The following EYA1 variants were observed in gnomAD, a reference collection of about 807,000 sequenced individuals.
EYA1 encodes EYA transcriptional coactivator and phosphatase 1.
A neutral mutation model predicts 82.0 loss-of-function variants in EYA1; 16 were observed. The observed-to-expected ratio is 0.20, with a 90% CI of 0.13 to 0.30. EYA1 has a LOEUF of 0.30. Among genes scored for constraint, EYA1 ranks in the 10% least tolerant of loss-of-function variants. The probability of loss-of-function intolerance (pLI) is 1.00; values close to 1 mark genes in which losing one functional copy is unlikely to be tolerated. For synonymous variants in EYA1, 261 were observed against 264.4 expected, an observed-to-expected ratio of 0.99 and a Z score of 0.12; for missense variants, 633 against 730.7, an observed-to-expected ratio of 0.87 and a Z score of 1.54.
At chr8:71,340,226 C>T (rs943470490) in intron 3 of EYA1, among the ~76,000 whole-genome samples, 2 of 152,204 alleles carry the variant, frequency 1.3e-5, no homozygotes, top group African/African-American at 4.8e-5. Flanking sequence ...AAGGTCCCCC[C>T]ATACTCTGAC....
chr8:71,444,126 A>G (rs1253183582), intron 2 of EYA1, among the ~76,000 whole-genome samples: 1 of 152,228 alleles, frequency 6.6e-6, no homozygotes, highest in African/African-American at 2.4e-5. Context: ...TTACCCACCT[A>G]TGCACAGATA....
At chr8:71,404,519 G>A (rs1018732549) in intron 2 of EYA1, 3 of 152,200 alleles carry the variant, frequency 2.0e-5, no homozygotes, top group African/African-American at 7.2e-5. Context: ...GTTTCCAAGT[G>A]TGGGTTGCAG....
chr8:71,260,503 C>T (rs1048850411), intron 11 of EYA1, among the ~76,000 whole-genome samples: 6 of 152,162 alleles, frequency 3.9e-5, no homozygotes, highest in African/African-American at 9.6e-5. Context: ...TACACAAACT[C>T]CTAGCAATTG....
At chr8:71,456,377 G>A (rs1328594908) in intron 2 of EYA1, among the ~76,000 whole-genome samples, 1 of 152,154 alleles carries the variant, frequency 6.6e-6, no homozygotes, top group African/African-American at 2.4e-5. Flanking sequence ...AGCTACCAAT[G>A]ACTTTCTTCA....
At chr8:71,255,641 G>A (rs769814196) in intron 11 of EYA1, among the ~76,000 whole-genome samples, 8 of 151,974 alleles carry the variant, frequency 5.3e-5, no homozygotes, top group Middle Eastern at 3.2e-3. Flanking sequence ...ATATAAAATG[G>A]TATAGGAAAA....
At chr8:71,298,304 G>A (rs913014139) in intron 9 of EYA1, among the ~76,000 whole-genome samples, 3 of 152,158 alleles carry the variant, frequency 2.0e-5, no homozygotes, top group African/African-American at 7.2e-5. Context: ...AGCTTATTTT[G>A]TAATCCATGA....
intron 3 of EYA1, among the ~76,000 whole-genome samples, chr8:71,340,003 T>C (rs1192349329): frequency 6.6e-6 from 1 of 152,222 alleles, no homozygotes; most frequent in East Asian, 1.9e-4. Flanking sequence ...AAGTGTCTTC[T>C]TTCTAATTTC....
At chr8:71,456,843 G>A (rs941694456) in intron 2 of EYA1, among the ~76,000 whole-genome samples, 2 of 152,274 alleles carry the variant, frequency 1.3e-5, no homozygotes, top group South Asian at 2.1e-4. Flanking sequence ...TCAGGACTTA[G>A]GCATGGGCAA....
intron 2 of EYA1, among the ~76,000 whole-genome samples, chr8:71,527,610 G>C (rs1813916125): frequency 6.6e-6 from 1 of 152,184 alleles, no homozygotes; most frequent in Non-Finnish European, 1.5e-5. Context: ...AACTCTCACA[G>C]ATAGTAAAAT....
intron 9 of EYA1, among the ~76,000 whole-genome samples, chr8:71,288,048 A>G (rs1202793880): frequency 6.6e-6 from 1 of 151,828 alleles, no homozygotes; most frequent in Non-Finnish European, 1.5e-5. Context: ...CCTAGCCACC[A>G]CTCCAGTTTT....
At chr8:71,541,822 T>C (rs1171344395) in intron 1 of EYA1, among the ~76,000 whole-genome samples, 1 of 152,216 alleles carries the variant, frequency 6.6e-6, no homozygotes, top group Non-Finnish European at 1.5e-5. Flanking sequence ...TTCTGCTGCA[T>C]GCACTGAATT....
At chr8:71,348,274 T>A (rs1240981154) in intron 3 of EYA1, among the ~76,000 whole-genome samples, 4 of 152,284 alleles carry the variant, frequency 2.6e-5, no homozygotes, top group Non-Finnish European at 2.9e-5. Flanking sequence ...TTGGATATCA[T>A]AAGAAATCAG....
chr8:71,485,986 C>A (rs1028057884), intron 2 of EYA1, among the ~76,000 whole-genome samples: 2 of 152,136 alleles, frequency 1.3e-5, no homozygotes, highest in Admixed American at 6.5e-5. Flanking sequence ...CCCTACCAAC[C>A]ATTAGGATCT....
At chr8:71,242,097 T>C (rs1812538940) in intron 12 of EYA1, among the ~76,000 whole-genome samples, 1 of 152,072 alleles carries the variant, frequency 6.6e-6, no homozygotes, top group Non-Finnish European at 1.5e-5. Flanking sequence ...TAATCCCAGC[T>C]ACTTGGGATG....
At chr8:71,292,357 G>C (rs1350495285) in intron 9 of EYA1, among the ~76,000 whole-genome samples, 3 of 151,988 alleles carry the variant, frequency 2.0e-5, no homozygotes, top group Non-Finnish European at 2.9e-5. Context: ...CTTTGTAAAA[G>C]ATGGGTTTTT....
At chr8:71,428,664 G>A (rs569478364) in intron 2 of EYA1, among the ~76,000 whole-genome samples, 2 of 152,234 alleles carry the variant, frequency 1.3e-5, no homozygotes, top group African/African-American at 4.8e-5. Flanking sequence ...AATTTAACAA[G>A]GAACATCTGT....
At chr8:71,339,893 CTG>C (rs1161072381) in intron 3 of EYA1, among the ~76,000 whole-genome samples, 2 of 152,146 alleles carry the variant, frequency 1.3e-5, no homozygotes, top group Non-Finnish European at 2.9e-5. Context: ...TTTGACTACT[CTG>C]TGGTTCTAAA....
At chr8:71,390,562 A>T (rs919235535) in intron 2 of EYA1, among the ~76,000 whole-genome samples, 1 of 152,150 alleles carries the variant, frequency 6.6e-6, no homozygotes, top group Admixed American at 6.6e-5. Flanking sequence ...CATCCTTTTT[A>T]ACATCTAGCT....
chr8:71,359,444 A>G (rs1467035760), intron 1 of EYA1, among the ~76,000 whole-genome samples: 3 of 152,150 alleles, frequency 2.0e-5, no homozygotes, highest in African/African-American at 7.2e-5. Flanking sequence ...TAAGGTACAC[A>G]TTTTATCACA....
Sources: allele counts gnomAD v4.1 joint callset (sites outside exome capture counted in the v4.1 genomes callset), GRCh38; gene constraint gnomAD v4.1.1; transcripts MANE v1.5; gene names NCBI Gene and HGNC (gene_info 2026-07-23, HGNC 2026-07-21).